Variants in IGF1R observed in about 807,000 individuals in gnomAD.
The protein encoded by IGF1R is insulin-like growth factor 1 receptor.
In IGF1R, 44 loss-of-function variants were observed where a neutral mutation model predicts 144.6. The ratio of observed to expected loss-of-function variants is 0.30; its 90% CI spans 0.24 to 0.39. The LOEUF is 0.39. IGF1R is among the 10% of genes least tolerant of loss of function. The pLI is 1.00. For missense variants in IGF1R, 1,355 were observed against 1,833.7 expected, an observed-to-expected ratio of 0.74 and a Z score of 4.77; for synonymous variants, 795 against 722.8, an observed-to-expected ratio of 1.10 and a Z score of -1.60.
chr15:98,720,293 TA>T (rs1296488937), intron 2 of IGF1R, among the ~76,000 whole-genome samples: 4 of 152,210 alleles, frequency 2.6e-5, no homozygotes, highest in Non-Finnish European at 5.9e-5. Context: ...TGTGTACACT[TA>T]AGCACCATTG....
chr15:98,832,685 C>T (rs1315486824), intron 2 of IGF1R, among the ~76,000 whole-genome samples: 1 of 152,152 alleles, frequency 6.6e-6, no homozygotes, highest in African/African-American at 2.4e-5. Context: ...AAGCTCTAGG[C>T]TCCTTTCTTT....
Position 98,891,311 on chromosome 15 carries a change from C to T in IGF1R, c.641-14C>T, listed in dbSNP as rs200261849. ...CTGCCCGGTCTCATCTCCGTCTCTCCTCTCTCTCCACAGTGTGCCCAAGCA... is the reference window on the plus strand; with the variant it reads ...CTGCCCGGTCTCATCTCCGTCTCTCTTCTCTCTCCACAGTGTGCCCAAGCA... On this transcript the variant is annotated splice_polypyrimidine_tract_variant and intron_variant, in intron 2 of 20. Coordinates refer to ENST00000650285, the MANE Select transcript of IGF1R (RefSeq NM_000875.5). The surrounding 1 kb of genome is among the most constrained non-coding windows in gnomAD (Gnocchi z 4.7). The T allele has an allele frequency of 6.8e-4, 1,083 of 1,604,060 alleles. 2 individuals are homozygous for T. Among genetic ancestry groups the T allele is most frequent in the Non-Finnish European group, 8.5e-4 (1,001 of 1,179,736 alleles).
chr15:98,951,131 G>C (rs949893871), intron 20 of IGF1R, among the ~76,000 whole-genome samples: 1 of 152,254 alleles, frequency 6.6e-6, no homozygotes, highest in African/African-American at 2.4e-5. Flanking sequence ...GCGCAGGAAG[G>C]ATACCAGGGA....
At chr15:98,812,980 A>G (rs1163954835) in intron 2 of IGF1R, among the ~76,000 whole-genome samples, 1 of 152,178 alleles carries the variant, frequency 6.6e-6, no homozygotes, top group East Asian at 1.9e-4. Context: ...TTCTATCGAA[A>G]AACAGTGGTT....
chr15:98,681,231 G>A (rs560684022), intron 1 of IGF1R, among the ~76,000 whole-genome samples: 5 of 152,242 alleles, frequency 3.3e-5, no homozygotes, highest in Admixed American at 1.3e-4. Context: ...TTTGCTGATC[G>A]ATTGTGACAT....
At chr15:98,863,556 G>A (rs927925635) in intron 2 of IGF1R, among the ~76,000 whole-genome samples, 3 of 152,148 alleles carry the variant, frequency 2.0e-5, no homozygotes, top group Admixed American at 6.5e-5. Flanking sequence ...TTTTTTAACA[G>A]TGAGGGACAT....
In IGF1R at chr15:98,913,298, C is replaced by G. The variant is rs771948087; in HGVS notation, c.1828+16C>G. On this transcript the variant is annotated intron_variant, in intron 8 of 20. Coordinates refer to ENST00000650285, the MANE Select transcript of IGF1R (RefSeq NM_000875.5). The stretch of plus-strand genomic sequence containing the variant: ...AATGCTTCAGGTATCCATGCCTAGA[C>G]AAGCCCCCAGCATCCACACTTCTTC... 6.3e-7 allele frequency: 1 copy of G among 1,593,848 alleles called. No individual in the cohort carries two copies. The highest frequency in any genetic ancestry group is 1.3e-5 in the African/African-American group (1 of 74,520).
intron 2 of IGF1R, among the ~76,000 whole-genome samples, chr15:98,786,730 G>C (rs1300068656): frequency 2.0e-5 from 3 of 152,112 alleles, no homozygotes; most frequent in Non-Finnish European, 2.9e-5. Flanking sequence ...TTTTAGAATA[G>C]TTTGGGGAGG....
chr15:98,879,294 G>A (rs1243033058), intron 2 of IGF1R, among the ~76,000 whole-genome samples: 1 of 152,178 alleles, frequency 6.6e-6, no homozygotes. Context: ...AAAATACAGT[G>A]ATAGTAAAAG....
At chr15:98,918,885 A>G (rs541714708) in intron 10 of IGF1R, among the ~76,000 whole-genome samples, 1 of 152,108 alleles carries the variant, frequency 6.6e-6, no homozygotes, top group African/African-American at 2.4e-5. Flanking sequence ...TCTCAAGAAA[A>G]AAAAAACACC....
rs960342707 is a variant in IGF1R, at chr15:98,653,032, G to GTC, written c.94+3367_94+3368dup. Among the ~76,000 whole-genome samples the GTC allele has an allele frequency of 2.1e-4, 32 of 150,640 alleles. No homozygotes were observed. In the Middle Eastern group the frequency reaches 0.01, roughly 49 times the overall value. ...TATTACATACATTTGACAGGCTGATGTCTCTCTCTCTTTTCATTTATGAGT... is the reference window on the plus strand; with the variant it reads ...TATTACATACATTTGACAGGCTGATGTCTCTCTCTCTCTTTTCATTTATGAGT... On this transcript the variant is annotated intron_variant, in intron 1 of 20. Transcript: ENST00000650285.
intron 2 of IGF1R, among the ~76,000 whole-genome samples, chr15:98,804,179 G>A (rs910257536): frequency 6.6e-6 from 1 of 152,324 alleles, no homozygotes; most frequent in South Asian, 2.1e-4. Flanking sequence ...CACATGTGTG[G>A]TCACTGGAGG....
chr15:98,902,960 C>G (rs2014559001), intron 5 of IGF1R, among the ~76,000 whole-genome samples: 1 of 152,148 alleles, frequency 6.6e-6, no homozygotes, highest in African/African-American at 2.4e-5. Flanking sequence ...ATTCCTCACT[C>G]AGAGCCTGTT....
At chr15:98,697,304 C>T (rs544301837) in intron 1 of IGF1R, among the ~76,000 whole-genome samples, 31 of 152,332 alleles carry the variant, frequency 2.0e-4, no homozygotes, top group Non-Finnish European at 3.4e-4. Context: ...GTTCAGTTTG[C>T]AGAGTGGTTG....
chr15:98,839,488 C>T lies in IGF1R; in HGVS notation c.641-51837C>T, dbSNP rs79259786. Among the ~76,000 whole-genome samples the T allele has an allele frequency of 3.3e-3, 500 of 152,232 alleles. 2 individuals carry two copies. Among genetic ancestry groups the T allele is most frequent in the African/African-American group, 0.011 (467 of 41,526 alleles). On this transcript the variant is annotated intron_variant, in intron 2 of 20. Coordinates refer to ENST00000650285, the MANE Select transcript of IGF1R (RefSeq NM_000875.5). ...AGCTCAACCTTGTGTGCCTCGGACA[C>T]GAAAATATTAGGTTCAGACACCACT...
chr15:98,847,611 C>T (rs1018105361), intron 2 of IGF1R, among the ~76,000 whole-genome samples: 5 of 152,108 alleles, frequency 3.3e-5, no homozygotes, highest in Non-Finnish European at 7.4e-5. Flanking sequence ...ATGGAAGTTT[C>T]GAGGACTTTT....
intron 20 of IGF1R, among the ~76,000 whole-genome samples, chr15:98,952,414 G>A (rs1296924552): frequency 2.0e-5 from 3 of 152,082 alleles, no homozygotes; most frequent in African/African-American, 4.8e-5. Context: ...GAAAAATCAT[G>A]CTTTCAAGTC....
At chr15:98,747,253 A>G (rs897223679) in intron 2 of IGF1R, among the ~76,000 whole-genome samples, 2 of 151,862 alleles carry the variant, frequency 1.3e-5, no homozygotes, top group Non-Finnish European at 1.5e-5. Flanking sequence ...CTGGAGTGCA[A>G]TGGCATGGTC....
chr15:98,664,891 G>A (rs2052693178), intron 1 of IGF1R, among the ~76,000 whole-genome samples: 1 of 149,848 alleles, frequency 6.7e-6, no homozygotes, highest in Non-Finnish European at 1.5e-5. Flanking sequence ...GGTGTGTATT[G>A]ATTCTGATGT....
Sources: allele counts gnomAD v4.1 joint callset (sites outside exome capture counted in the v4.1 genomes callset), GRCh38; gene constraint gnomAD v4.1.1; non-coding constraint Gnocchi (gnomAD v3.1); transcripts MANE v1.5; gene names NCBI Gene and HGNC (gene_info 2026-07-23, HGNC 2026-07-21).